KMT2C: variants seen among roughly 807,000 people sequenced by gnomAD.
The protein encoded by KMT2C is histone-lysine N-methyltransferase 2C.
A neutral mutation model predicts 507.9 loss-of-function variants in KMT2C; 88 were observed. The ratio of observed to expected loss-of-function variants is 0.17; its 90% confidence interval spans 0.15 to 0.21. The LOEUF is 0.21. Among genes scored for constraint, KMT2C ranks in the 10% least tolerant of loss-of-function variants. KMT2C has a pLI of 1.00. For missense variants in KMT2C, 4,954 were observed against 5,957.8 expected (o/e 0.83, Z 5.55); for synonymous variants, 2,049 against 2,080.8 (o/e 0.98, Z 0.42).
At chr7:152,350,402 T>G (rs918012457) in intron 2 of KMT2C, among the ~76,000 whole-genome samples, 2 of 152,202 alleles carry the variant, frequency 1.3e-5, no homozygotes, top group African/African-American at 4.8e-5. Flanking sequence ...GAAATATTCA[T>G]CATTAGGCAA....
intron 1 of KMT2C, among the ~76,000 whole-genome samples, chr7:152,415,524 C>T (rs972099688): frequency 7.2e-5 from 11 of 152,068 alleles, no homozygotes; most frequent in African/African-American, 2.4e-4. Flanking sequence ...AGTTAGAATG[C>T]CCCCACCCCA....
intron 1 of KMT2C, among the ~76,000 whole-genome samples, chr7:152,393,373 ATACT>A (rs372858443): frequency 2.1e-4 from 32 of 152,330 alleles, no homozygotes; most frequent in East Asian, 1.9e-3. Context: ...TATATAACAA[ATACT>A]TACTTTCTTA....
At chr7:152,269,288 T>C (rs1336627048) in intron 7 of KMT2C, among the ~76,000 whole-genome samples, 2 of 152,226 alleles carry the variant, frequency 1.3e-5, no homozygotes, top group Non-Finnish European at 2.9e-5. Context: ...ATGTAATACA[T>C]ACATCTGGTG....
At chr7:152,227,868 G>A (rs2094981755) in intron 18 of KMT2C, among the ~76,000 whole-genome samples, 1 of 152,152 alleles carries the variant, frequency 6.6e-6, no homozygotes, top group African/African-American at 2.4e-5. Context: ...GACAAGTGAA[G>A]CACAACCAGT....
rs559520719 is a variant in KMT2C at position 152,149,023 on chromosome 7, G to T, written c.12904C>A (p.Pro4302Thr). Residue 4302 changes from proline (P) to threonine (T), a missense_variant, in exon 52 of 59, where the codon CCT becomes ACT. Coordinates refer to ENST00000262189, the MANE Select transcript of KMT2C (RefSeq NM_170606.3). ...LPQLPEKASPPASPPIAFPPA... is the reference protein window; with the variant it reads ...LPQLPEKASPTASPPIAFPPA... ...GGGAAGGCGATGGGTGGTGAGGCAG[G>T]GGGAGAAGCTTTCTCTGGGAGCTGG... 9.1e-6 allele frequency: 14 copies of T among 1,539,900 alleles called. No individual in the cohort carries two copies. Among genetic ancestry groups the T allele is most frequent in the Non-Finnish European group, 1.1e-5 (13 of 1,147,948 alleles).
Position 152,176,633 on chromosome 7 carries a change from T to C in KMT2C, c.8820A>G (p.Pro2940=), listed in dbSNP as rs1164196102. The C allele has an allele frequency of 4.3e-6, 7 of 1,614,040 alleles. No homozygotes were observed. The highest frequency in any genetic ancestry group is 5.9e-6 in the Non-Finnish European group (7 of 1,180,050). The change falls in exon 38 of 59, where the codon CCA becomes CCG. Residue 2940 remains proline, a synonymous_variant. Coordinates refer to ENST00000262189, the MANE Select transcript of KMT2C (RefSeq NM_170606.3). ...TGGATGGGGAGGCCGGCAGAGTTGG[T>C]GGTGGTGGAGACCCCGATGGCCTAA... The part of the protein sequence containing the change: ...SDIRPSGSPP[P]PTLPASPSNH...
chr7:152,175,571 G>C (rs571354742), intron 38 of KMT2C, among the ~76,000 whole-genome samples: 9 of 150,890 alleles, frequency 6.0e-5, no homozygotes, highest in African/African-American at 2.2e-4. Context: ...TGCAGTGTAT[G>C]GTTTTCTGTT....
chr7:152,249,644 A>T (rs1468166636), intron 13 of KMT2C, among the ~76,000 whole-genome samples: 5 of 148,338 alleles, frequency 3.4e-5, no homozygotes, highest in South Asian at 2.2e-4. Context: ...TGAAAGTACA[A>T]AATATTTTTA....
intron 9 of KMT2C, among the ~76,000 whole-genome samples, chr7:152,257,884 CA>C (rs879643466): frequency 1.2e-4 from 18 of 146,844 alleles, no homozygotes; most frequent in East Asian, 2.0e-4. Flanking sequence ...CACACACACA[CA>C]AAAAAAACAC....
At chr7:152,269,163 C>T (rs1020152071) in intron 7 of KMT2C, among the ~76,000 whole-genome samples, 7 of 152,176 alleles carry the variant, frequency 4.6e-5, no homozygotes, top group African/African-American at 1.7e-4. Context: ...CTGTCATTGT[C>T]ACAAAAATCA....
At chr7:152,200,372 T>C (rs1049926757) in intron 26 of KMT2C, among the ~76,000 whole-genome samples, 1 of 152,310 alleles carries the variant, frequency 6.6e-6, no homozygotes, top group South Asian at 2.1e-4. Context: ...TTCTATGTTA[T>C]CAAAGAAAAA....
At position 152,315,106 on chromosome 7, in the gene KMT2C, C is replaced by A. The variant is rs1563831273; in HGVS notation, c.590+32G>T. 3 of 1,534,962 alleles carry A rather than the reference C, an allele frequency of 2.0e-6. No individual in the cohort carries two copies. In the South Asian group the frequency reaches 3.4e-5, roughly 17 times the overall value. On this transcript the variant is annotated intron_variant, in intron 4 of 58. Transcript: ENST00000262189. ...GAAATAAATTATATGCAGTCTTAAT[C>A]TATTCCAACATTTAAAGTCGAAACT...
Position 152,151,597 on chromosome 7 carries a change from T to A in KMT2C, c.12527-16A>T. 6.2e-7 allele frequency: 1 copy of A among 1,610,742 alleles called. No individual in the cohort carries two copies. The highest frequency in any genetic ancestry group is 8.5e-7 in the Non-Finnish European group (1 of 1,178,208). On this transcript the variant is annotated splice_polypyrimidine_tract_variant and intron_variant, in intron 49 of 58. Coordinates refer to ENST00000262189, the MANE Select transcript of KMT2C (RefSeq NM_170606.3). ...CCAGAAAGACCTAAAGGCAATCAAC[T>A]TTTGTTAGTAATTAAAACTGACTGA...
At chr7:152,236,563 GTGT>G (rs1361108411) in intron 15 of KMT2C, among the ~76,000 whole-genome samples, 3 of 152,160 alleles carry the variant, frequency 2.0e-5, no homozygotes, top group South Asian at 2.1e-4. Flanking sequence ...ATTTTTGCTA[GTGT>G]TGTGTAACAG....
In KMT2C at chr7:152,203,058, C is replaced by A; in HGVS notation, c.3968G>T (p.Ser1323Ile). ...EQLPCRDDGWSEQLPDTLVDE... is the reference protein window; with the variant it reads ...EQLPCRDDGWIEQLPDTLVDE... ...AACTAAAGTATCTGGTAACTGCTCACTCCAGCCTGAAACAACAGTCACATT... is the reference window on the plus strand; with the variant it reads ...AACTAAAGTATCTGGTAACTGCTCAATCCAGCCTGAAACAACAGTCACATT... Residue 1323 changes from serine (S) to isoleucine (I), a missense_variant, in exon 26 of 59, where the codon AGT (serine) becomes ATT (isoleucine). Physicochemically the swap from Ser to Ile is moderately radical, Grantham distance 142 (BLOSUM62 -2). Around this residue, in one of 29 missense-constraint regions of KMT2C, gnomAD observed 176 missense variants for 262.0 expected, o/e 0.67. Coordinates refer to ENST00000262189, the MANE Select transcript of KMT2C (RefSeq NM_170606.3). 6.3e-7 allele frequency: 1 copy of A among 1,595,978 alleles called. No individual in the cohort carries two copies. Among genetic ancestry groups the A allele is most frequent in the Non-Finnish European group, 8.5e-7 (1 of 1,173,460 alleles).
At chr7:152,385,267 G>A (rs1371086801) in intron 1 of KMT2C, among the ~76,000 whole-genome samples, 1 of 151,564 alleles carries the variant, frequency 6.6e-6, no homozygotes, top group East Asian at 1.9e-4. Context: ...GTATCCTACA[G>A]ATTAAGACAC....
In KMT2C at chr7:152,358,624, C is replaced by G. The variant is rs777506640; in HGVS notation, c.213G>C (p.Gly71=). 1 of 1,612,036 alleles carries G rather than the reference C, an allele frequency of 6.2e-7. No individual in the cohort carries two copies. The highest frequency in any genetic ancestry group is 8.5e-7 in the Non-Finnish European group (1 of 1,178,734). Residue 71 remains glycine, a synonymous_variant, in exon 2 of 59, where the codon GGG becomes GGC. Coordinates refer to ENST00000262189, the MANE Select transcript of KMT2C (RefSeq NM_170606.3). ...TCGTTTCTGTTTCTGTTGTCTCCAG[C>G]CCATCCATGCTGTCCTCATCTTCCA... ...TAVEDEDSMD[G]LETTETETIV...
At chr7:152,377,734 CAAAAAAAAAAA>C (rs59181675) in intron 1 of KMT2C, among the ~76,000 whole-genome samples, 5 of 62,622 alleles carry the variant, frequency 8.0e-5, no homozygotes, top group Non-Finnish European at 1.9e-4. Context: ...GACTCCGTCT[CAAAAAAAAAAA>C]AAAAAAAAAG....
rs948314388 is a variant in KMT2C, at chr7:152,368,198, C to T, written c.162-9523G>A. The T allele has an allele frequency of 5.6e-6, 5 of 897,650 alleles. No homozygotes were observed. The African/African-American group carries it at 6.5e-5, about 12-fold the overall frequency. The allele number at this position is 897,650 out of a possible 1,614,324, so 55.6% of individuals were successfully genotyped here. Reference sequence around the variant, plus strand: ...GAAAATGGTGAACATTGTGATTTTACAATTCTAAGAAATATGCTGATAAAA... The same window carrying T: ...GAAAATGGTGAACATTGTGATTTTATAATTCTAAGAAATATGCTGATAAAA... On this transcript the variant is annotated intron_variant, in intron 1 of 58. Transcript: ENST00000262189.
Sources: allele counts gnomAD v4.1 joint callset (sites outside exome capture counted in the v4.1 genomes callset), GRCh38; gene constraint gnomAD v4.1.1; regional missense constraint gnomAD v4.1.1; transcripts MANE v1.5; gene names NCBI Gene and HGNC (gene_info 2026-07-23, HGNC 2026-07-21).